The following SLC41A3 variants were observed in gnomAD, a reference collection of about 807,000 sequenced individuals.
SLC41A3 encodes the protein SLC41A1-like 2.
Under a neutral mutation model 45.4 loss-of-function variants are expected in SLC41A3, and 44 were observed. The ratio of observed to expected loss-of-function variants is 0.97; its 90% CI spans 0.76 to 1.25. The LOEUF (loss-of-function observed/expected upper bound fraction) is 1.25. SLC41A3 is among the 50% of genes most tolerant of loss of function. The probability of loss-of-function intolerance (pLI) is 0.00; values close to 1 mark genes in which losing one functional copy is unlikely to be tolerated. For missense variants in SLC41A3, 550 were observed against 600.6 expected, an observed-to-expected ratio of 0.92 and a Z score of 0.88; for synonymous variants, 256 against 252.4, an observed-to-expected ratio of 1.01 and a Z score of -0.13.
At chr3:126,053,752 G>A (rs1019091699) in intron 2 of SLC41A3, among the ~76,000 whole-genome samples, 2 of 152,004 alleles carry the variant, frequency 1.3e-5, no homozygotes, top group African/African-American at 2.4e-5. Flanking sequence ...GTCTCTGTGA[G>A]CATCAGATCT....
Position 126,007,238 on chromosome 3 carries a change from C to G in SLC41A3, c.1255-13G>C, listed in dbSNP as rs1342570797. ...GCAGGATTGTCACCTGTCAGAAGGG[C>G]AAAGAGACACAAAAGAAGACCAAGT... On this transcript the variant is annotated splice_polypyrimidine_tract_variant and intron_variant, in intron 10 of 10. Coordinates refer to ENST00000360370, the MANE Select transcript of SLC41A3 (RefSeq NM_017836.4). 1 of 1,612,124 alleles carries G rather than the reference C, an allele frequency of 6.2e-7. No homozygotes were observed. The highest frequency in any genetic ancestry group is 1.3e-5 in the African/African-American group (1 of 74,970).
chr3:126,068,125 G>T lies in SLC41A3; in HGVS notation c.95C>A (p.Pro32His). 5.6e-6 allele frequency: 9 copies of T among 1,613,010 alleles called. No homozygotes were observed. Among genetic ancestry groups the T allele is most frequent in the Non-Finnish European group, 7.6e-6 (9 of 1,179,620 alleles). The change falls in exon 2 of 11, where the codon CCT becomes CAT. Residue 32 changes from proline to histidine, a missense_variant. Transcript: ENST00000360370. Reference protein sequence around the residue: ...LPHPLSTGGLPVASEDGALRA... With the variant: ...LPHPLSTGGLHVASEDGALRA... ...GAGAGCTCCATCTTCTGAGGCTACAGGGAGTCCTCCTGTGCTGAGGGGGTG... is the reference window on the plus strand; with the variant it reads ...GAGAGCTCCATCTTCTGAGGCTACATGGAGTCCTCCTGTGCTGAGGGGGTG...
At chr3:126,095,177 A>T (rs1576390294) in intron 1 of SLC41A3, 1 of 687,294 alleles carries the variant, frequency 1.5e-6, no homozygotes, top group African/African-American at 1.8e-5. Flanking sequence ...GGTTATGCTT[A>T]TGTCTCTCCA....
chr3:126,059,307 AAAGGAAG>A (rs1371747593), intron 2 of SLC41A3, among the ~76,000 whole-genome samples: 61 of 59,438 alleles, frequency 1.0e-3, no homozygotes, highest in African/African-American at 3.9e-3. Flanking sequence ...AGAAAGAAAG[AAAGGAAG>A]GATGATCTGT....
chr3:126,012,558 G>C (rs993407444), intron 9 of SLC41A3, 57 bp downstream of exon 9: 4 of 1,602,442 alleles, frequency 2.5e-6, no homozygotes, highest in East Asian at 2.2e-5. Context: ...CAATGACACC[G>C]ATGTTTTCTT....
chr3:126,030,808 T>C (rs1941743154), intron 4 of SLC41A3, among the ~76,000 whole-genome samples: 1 of 152,206 alleles, frequency 6.6e-6, no homozygotes, highest in Admixed American at 6.5e-5. Flanking sequence ...ATTTAAAAAG[T>C]TGATAATATA....
At chr3:126,051,320 T>G (rs4076728) in intron 2 of SLC41A3, among the ~76,000 whole-genome samples, 35,965 of 152,270 alleles carry the variant, frequency 0.24, 4,603 homozygotes, top group Non-Finnish European at 0.28. Flanking sequence ...ATGCTGCATG[T>G]GCTCTGCACC....
At chr3:126,070,701 G>A (rs368282186) in intron 1 of SLC41A3, among the ~76,000 whole-genome samples, 24 of 152,220 alleles carry the variant, frequency 1.6e-4, no homozygotes, top group East Asian at 1.5e-3. Context: ...CAGACACAGA[G>A]CATTCGTCCC....
At chr3:126,086,498 C>CTG (rs57609698), upstream of SLC41A3, among the ~76,000 whole-genome samples, 10,535 of 132,886 alleles carry the variant, frequency 0.079, 456 homozygotes, top group Admixed American at 0.15. Context: ...GCTATAGGAT[C>CTG]TGTGTGTGTG....
chr3:126,074,580 A>G (rs1438629257), intron 1 of SLC41A3, among the ~76,000 whole-genome samples: 1 of 152,196 alleles, frequency 6.6e-6, no homozygotes, highest in East Asian at 1.9e-4. Context: ...CAGCCAGTAA[A>G]CAAGTTCAGC....
chr3:126,079,002 G>C (rs975888666), intron 1 of SLC41A3: 4 of 152,228 alleles, frequency 2.6e-5, no homozygotes, highest in Non-Finnish European at 5.9e-5. Flanking sequence ...GATGCAAACT[G>C]TTCTTGCCAA....
chr3:126,029,593 C>T (rs1460967521), intron 4 of SLC41A3, among the ~76,000 whole-genome samples: 1 of 152,168 alleles, frequency 6.6e-6, no homozygotes, highest in East Asian at 1.9e-4. Flanking sequence ...TGAACTAATA[C>T]AAAGAGCTAG....
At chr3:126,055,604 C>A (rs542355743) in intron 2 of SLC41A3, among the ~76,000 whole-genome samples, 100 of 152,310 alleles carry the variant, frequency 6.6e-4, no homozygotes, top group African/African-American at 2.3e-3. Flanking sequence ...TCCACAGCAG[C>A]GGTGATAGAG....
intron 1 of SLC41A3, among the ~76,000 whole-genome samples, chr3:126,079,511 G>T (rs1396695912): frequency 6.6e-6 from 1 of 152,094 alleles, no homozygotes; most frequent in East Asian, 1.9e-4. Context: ...AACTGACACA[G>T]GATGGGAACA....
chr3:126,056,812 C>T, intron 2 of SLC41A3: 1 of 1,302,514 alleles, frequency 7.7e-7, no homozygotes, highest in Non-Finnish European at 9.8e-7. Flanking sequence ...CTGTCCCTCC[C>T]TGAAGGTCAG....
intron 4 of SLC41A3, among the ~76,000 whole-genome samples, chr3:126,030,381 G>C (rs1417869320): frequency 6.6e-6 from 1 of 151,288 alleles, no homozygotes; most frequent in Non-Finnish European, 1.5e-5. Context: ...GTTATGGATA[G>C]GCAACTCACA....
chr3:126,019,926 G>A (rs968301220), intron 6 of SLC41A3, among the ~76,000 whole-genome samples: 2 of 152,002 alleles, frequency 1.3e-5, no homozygotes, highest in Admixed American at 1.3e-4. Context: ...GGAGCAGCTC[G>A]AATCCCACAT....
intron 1 of SLC41A3, among the ~76,000 whole-genome samples, chr3:126,075,329 G>T (rs1944829184): frequency 6.6e-6 from 1 of 152,086 alleles, no homozygotes; most frequent in Non-Finnish European, 1.5e-5. Context: ...TGCAAGAAAT[G>T]AAGAAAACTT....
chr3:126,036,050 T>A (rs948832131), intron 3 of SLC41A3, among the ~76,000 whole-genome samples: 1 of 152,224 alleles, frequency 6.6e-6, no homozygotes, highest in Non-Finnish European at 1.5e-5. Context: ...AGGCCCTTCC[T>A]CGATGTGCAT....
Sources: gnomAD v4.1 joint callset for allele counts (sites outside exome capture counted in the v4.1 genomes callset) on GRCh38, gnomAD v4.1.1 for gene constraint, MANE v1.5 for transcripts, NCBI Gene and HGNC (gene_info 2026-07-23, HGNC 2026-07-21) for gene names.